ROBO2: variants seen among roughly 807,000 people sequenced by gnomAD.
ROBO2 encodes roundabout guidance receptor 2, also known as roundabout homolog 2.
Under a neutral mutation model 160.8 loss-of-function variants are expected in ROBO2, and 53 were observed. The ratio of observed to expected loss-of-function variants is 0.33; its 90% CI spans 0.26 to 0.41. The LOEUF (loss-of-function observed/expected upper bound fraction) is 0.41, where lower values mean the gene tolerates loss of function less well. Ranked by LOEUF, ROBO2 falls within the 10% of genes least tolerant of loss-of-function variation. The probability of loss-of-function intolerance (pLI) is 1.00; values close to 1 mark genes in which losing one functional copy is unlikely to be tolerated. For synonymous variants in ROBO2, 664 were observed against 611.7 expected (o/e 1.09, Z -1.26); for missense variants, 1,577 against 1,722.4 (o/e 0.92, Z 1.49).
At chr3:76,810,284 G>T (rs1245309838) in intron 2 of ROBO2, among the ~76,000 whole-genome samples, 2 of 152,012 alleles carry the variant, frequency 1.3e-5, no homozygotes, top group Admixed American at 1.3e-4. Context: ...CACGGAGGAA[G>T]GTCACACAAT....
At chr3:76,939,237 T>C (rs2077985360) in intron 2 of ROBO2, among the ~76,000 whole-genome samples, 1 of 152,206 alleles carries the variant, frequency 6.6e-6, no homozygotes. Flanking sequence ...ACTTTTCCAC[T>C]CACTTTTCTT....
chr3:77,160,345 TTA>T (rs750975966), intron 2 of ROBO2, among the ~76,000 whole-genome samples: 25 of 145,902 alleles, frequency 1.7e-4, no homozygotes, highest in African/African-American at 5.3e-4. Context: ...GATAATTATT[TTA>T]TAAAGTTTTT....
chr3:77,202,215 A>G (rs1279464443), intron 2 of ROBO2, among the ~76,000 whole-genome samples: 2 of 152,164 alleles, frequency 1.3e-5, no homozygotes, highest in African/African-American at 2.4e-5. Context: ...AGTTTTAACC[A>G]TATGTGTTAA....
At chr3:77,506,333 G>T (rs2088518969) in intron 5 of ROBO2, among the ~76,000 whole-genome samples, 1 of 152,032 alleles carries the variant, frequency 6.6e-6, no homozygotes, top group Admixed American at 6.6e-5. Context: ...TGCACACTTG[G>T]AACAACTTTC....
intron 2 of ROBO2, among the ~76,000 whole-genome samples, chr3:76,454,337 A>C (rs1316568572): frequency 6.6e-6 from 1 of 152,198 alleles, no homozygotes; most frequent in East Asian, 1.9e-4. Flanking sequence ...GAGTAATTTT[A>C]CTTTGTCAAA....
intron 2 of ROBO2, among the ~76,000 whole-genome samples, chr3:77,180,408 C>A (rs1258728468): frequency 8.9e-4 from 90 of 101,572 alleles, no homozygotes; most frequent in African/African-American, 1.7e-3. Context: ...CTCTCTCTCT[C>A]TCTCTCTCTA....
At chr3:77,450,706 C>G (rs947199090) in intron 2 of ROBO2, among the ~76,000 whole-genome samples, 1 of 152,034 alleles carries the variant, frequency 6.6e-6, no homozygotes, top group Non-Finnish European at 1.5e-5. Flanking sequence ...AGCCTAAAGG[C>G]TTTAGTTTTT....
At chr3:77,629,889 G>A (rs1209299505) in intron 23 of ROBO2, 1 of 152,136 alleles carries the variant, frequency 6.6e-6, no homozygotes, top group Non-Finnish European at 1.5e-5. Context: ...CAATAAATAT[G>A]AAAATAAACA....
At chr3:76,139,061 A>T (rs1036819624) in intron 2 of ROBO2, among the ~76,000 whole-genome samples, 4 of 152,164 alleles carry the variant, frequency 2.6e-5, no homozygotes, top group African/African-American at 9.7e-5. Flanking sequence ...GTGTTCACTT[A>T]ATCTTGTTAA....
chr3:77,162,160 C>T (rs1413518646), intron 2 of ROBO2, among the ~76,000 whole-genome samples: 1 of 151,714 alleles, frequency 6.6e-6, no homozygotes, highest in Non-Finnish European at 1.5e-5. Flanking sequence ...GGGCATATGG[C>T]AGAAAACCAT....
intron 2 of ROBO2, among the ~76,000 whole-genome samples, chr3:76,047,590 T>C (rs2067492541): frequency 6.6e-6 from 1 of 152,224 alleles, no homozygotes; most frequent in Non-Finnish European, 1.5e-5. Context: ...CTGGGATTTC[T>C]GCGTGATGAC....
rs568451806 is a variant in ROBO2, at chr3:77,364,697, T to C, written c.389-112717T>C. Among the ~76,000 whole-genome samples, 76 of 152,280 alleles carry C rather than the reference T, an allele frequency of 5.0e-4. 1 individual carries two copies. The South Asian group carries it at 0.013, about 27-fold the overall frequency. The stretch of plus-strand genomic sequence containing the variant: ...ATAGTAGTTGAACATAAGAAGTAAC[T>C]GTTATGCTTTTTTTGAGAGTATTTA... On this transcript the variant is annotated intron_variant, in intron 2 of 25. Coordinates refer to ENST00000461745, the Ensembl canonical transcript of ROBO2.
At chr3:77,596,631 G>T (rs2094310110) in exon 19 of ROBO2, 2 of 1,613,848 alleles carry the variant, frequency 1.2e-6, no homozygotes, top group Non-Finnish European at 1.7e-6. Context: ...AGCCGTCCAG[G>T]TCTTCTCAAT....
chr3:77,542,788 G>C (rs1032840975), intron 6 of ROBO2, among the ~76,000 whole-genome samples: 33 of 152,234 alleles, frequency 2.2e-4, no homozygotes, highest in Middle Eastern at 3.4e-3. Flanking sequence ...GTGAAGATTT[G>C]CCAGCTCTTT....
intron 2 of ROBO2, among the ~76,000 whole-genome samples, chr3:76,239,807 C>T (rs1283259793): frequency 6.6e-6 from 1 of 152,126 alleles, no homozygotes; most frequent in Admixed American, 6.6e-5. Context: ...CAAATTGGAG[C>T]CTAACTGGCT....
chr3:77,172,707 G>A (rs1416247572), intron 2 of ROBO2, among the ~76,000 whole-genome samples: 1 of 152,130 alleles, frequency 6.6e-6, no homozygotes, highest in African/African-American at 2.4e-5. Context: ...ACATATGGAG[G>A]TTATTTCTGG....
At chr3:76,146,452 G>A (rs1280530460) in intron 2 of ROBO2, among the ~76,000 whole-genome samples, 3 of 151,612 alleles carry the variant, frequency 2.0e-5, no homozygotes, top group African/African-American at 7.3e-5. Flanking sequence ...TCCTCTCTAT[G>A]TCTCTAATCT....
chr3:76,707,177 C>T (rs2093181465), intron 2 of ROBO2, among the ~76,000 whole-genome samples: 1 of 152,046 alleles, frequency 6.6e-6, no homozygotes, highest in Non-Finnish European at 1.5e-5. Flanking sequence ...GAGCATTACT[C>T]TTGCAGGATC....
At chr3:77,031,319 G>C (rs896123252) in intron 2 of ROBO2, among the ~76,000 whole-genome samples, 2 of 151,786 alleles carry the variant, frequency 1.3e-5, no homozygotes, top group African/African-American at 4.8e-5. Context: ...TCTCAATGGG[G>C]ATGATGGGAA....
Sources: allele counts gnomAD v4.1 joint callset (sites outside exome capture counted in the v4.1 genomes callset), GRCh38; gene constraint gnomAD v4.1.1; transcripts MANE v1.5; gene names NCBI Gene and HGNC (gene_info 2026-07-23, HGNC 2026-07-21).